GRK3: variants seen among roughly 807,000 people sequenced by gnomAD.
GRK3 encodes the protein G protein-coupled receptor kinase 3.
A neutral mutation model predicts 95.7 loss-of-function variants in GRK3; 54 were observed. The ratio of observed to expected loss-of-function variants is 0.56; its 90% confidence interval spans 0.45 to 0.71. GRK3 has a LOEUF of 0.71. GRK3 is among the 30% of genes least tolerant of loss of function. The probability of loss-of-function intolerance (pLI) is 0.00; values close to 1 mark genes in which losing one functional copy is unlikely to be tolerated. For synonymous variants in GRK3, 281 were observed against 290.8 expected, an observed-to-expected ratio of 0.97 and a Z score of 0.34; for missense variants, 649 against 851.2, an observed-to-expected ratio of 0.76 and a Z score of 2.96.
intron 1 of GRK3, among the ~76,000 whole-genome samples, chr22:25,565,421 A>G (rs1431307234): frequency 6.6e-6 from 1 of 152,166 alleles, no homozygotes; most frequent in East Asian, 1.9e-4. Context: ...GGGTCTGGTT[A>G]TGACTTGGCT....
intron 1 of GRK3, among the ~76,000 whole-genome samples, chr22:25,566,957 T>A (rs1338015281): frequency 6.6e-6 from 1 of 151,762 alleles, no homozygotes; most frequent in East Asian, 1.9e-4. Context: ...TCTGTTCAGT[T>A]TTTTTTTTCT....
chr22:25,604,071 C>G (rs139744928), intron 1 of GRK3, among the ~76,000 whole-genome samples: 1 of 151,962 alleles, frequency 6.6e-6, no homozygotes, highest in Admixed American at 6.6e-5. Context: ...TGTGTTTGTG[C>G]GTGCAGACAC....
chr22:25,720,467 CTTTTTTTTTTT>C (rs963248407), intron 19 of GRK3, among the ~76,000 whole-genome samples: 9 of 102,574 alleles, frequency 8.8e-5, no homozygotes, highest in South Asian at 3.1e-4. Flanking sequence ...ATACTATAGA[CTTTTTTTTTTT>C]TTTTTTTTTT....
intron 1 of GRK3, among the ~76,000 whole-genome samples, chr22:25,585,426 T>C (rs2331128): frequency 4.6e-5 from 7 of 152,088 alleles, no homozygotes; most frequent in East Asian, 1.9e-4. Context: ...ATTAAAACTA[T>C]TTATTATCAA....
intron 3 of GRK3, among the ~76,000 whole-genome samples, 178 bp downstream of exon 3, chr22:25,644,843 C>T (rs995493078): frequency 6.6e-6 from 1 of 152,026 alleles, no homozygotes; most frequent in Non-Finnish European, 1.5e-5. Context: ...GCTGAGTATG[C>T]CATAAAAGTC....
chr22:25,708,612 T>G (rs1366218803), intron 15 of GRK3, among the ~76,000 whole-genome samples: 4 of 151,624 alleles, frequency 2.6e-5, no homozygotes, highest in African/African-American at 9.7e-5. Flanking sequence ...CAGTGGCATG[T>G]GCTGGGAGTG....
At chr22:25,713,554 C>T (rs1316067071) in intron 17 of GRK3, among the ~76,000 whole-genome samples, 2 of 152,120 alleles carry the variant, frequency 1.3e-5, no homozygotes, top group African/African-American at 4.8e-5. Context: ...GTTATGATAC[C>T]TACCCCTGCT....
intron 2 of GRK3, among the ~76,000 whole-genome samples, chr22:25,620,756 T>G (rs1028780082): frequency 6.6e-6 from 1 of 152,152 alleles, no homozygotes; most frequent in African/African-American, 2.4e-5. Context: ...AAGAATGGCG[T>G]GTCCTTGTGT....
rs1931376356 is a variant in GRK3, at chr22:25,564,808, G to C, written c.-233G>C. The C allele has an allele frequency of 6.7e-6, 1 of 148,482 alleles. No homozygotes were observed. Among genetic ancestry groups the C allele is most frequent in the African/African-American group, 2.4e-5 (1 of 40,858 alleles). 9.2% of individuals were successfully genotyped at this position (148,482 alleles called of 1,614,324 possible). A position where few individuals can be genotyped will look rare whatever the true frequency, so the allele number is the denominator to read the frequency against. ...GGCGCGCGTGCGCGGGGCGCCGGGC[G>C]GCGCGCGAGGGGGCGGAGCGGGGAG... On this transcript the variant is annotated 5_prime_UTR_variant, in exon 1 of 21. Coordinates refer to ENST00000324198, the MANE Select transcript of GRK3 (RefSeq NM_005160.4).
chr22:25,705,170 A>T (rs920884219), intron 15 of GRK3, among the ~76,000 whole-genome samples: 1 of 152,184 alleles, frequency 6.6e-6, no homozygotes, highest in Admixed American at 6.5e-5. Context: ...GCTATAATAG[A>T]TGAAGATTTA....
At chr22:25,647,654 C>G in intron 3 of GRK3, 1 of 1,418,720 alleles carries the variant, frequency 7.0e-7, no homozygotes, top group Non-Finnish European at 1.0e-6. Flanking sequence ...TGGTGGGAAG[C>G]AAGATCAATC....
At chr22:25,624,668 G>A (rs1156517080) in intron 2 of GRK3, among the ~76,000 whole-genome samples, 2 of 152,178 alleles carry the variant, frequency 1.3e-5, no homozygotes, top group Non-Finnish European at 2.9e-5. Context: ...GGCGCTTACT[G>A]TGGAAAGTAT....
intron 18 of GRK3, 53 bp from the exon 19 acceptor site, chr22:25,718,192 A>T: frequency 6.4e-7 from 1 of 1,573,752 alleles, no homozygotes; most frequent in Non-Finnish European, 8.7e-7. Context: ...TAATGCTGCT[A>T]AGACATTTTG....
chr22:25,691,609 A>T (rs988847857), intron 12 of GRK3, among the ~76,000 whole-genome samples: 7 of 152,246 alleles, frequency 4.6e-5, no homozygotes, highest in Non-Finnish European at 1.0e-4. Context: ...CAGGGAGTTC[A>T]TCAGATTCTT....
chr22:25,635,767 TGTAA>T (rs2084696292), intron 2 of GRK3, among the ~76,000 whole-genome samples: 2 of 152,314 alleles, frequency 1.3e-5, no homozygotes, highest in East Asian at 1.9e-4. Context: ...GTTTTCCCTT[TGTAA>T]GTAAGTAACT....
chr22:25,687,975 G>T (rs185278633), intron 11 of GRK3, among the ~76,000 whole-genome samples: 1 of 152,172 alleles, frequency 6.6e-6, no homozygotes, highest in Non-Finnish European at 1.5e-5. Context: ...GGTGGCTCAT[G>T]CCTGTAATCC....
intron 1 of GRK3, among the ~76,000 whole-genome samples, chr22:25,595,673 A>G (rs764017812): frequency 2.6e-5 from 4 of 152,208 alleles, no homozygotes; most frequent in Admixed American, 1.3e-4. Context: ...ATTGCCAGGC[A>G]TGGTGGCTTG....
At chr22:25,721,212 G>A in intron 19 of GRK3, 72 bp from the exon 20 acceptor site, 1 of 732,960 alleles carries the variant, frequency 1.4e-6, no homozygotes. Context: ...GTTCTAACTT[G>A]GTAGTTTTTG....
intron 13 of GRK3, among the ~76,000 whole-genome samples, chr22:25,697,227 A>G (rs141058431): frequency 1.4e-3 from 219 of 152,350 alleles, no homozygotes; most frequent in African/African-American, 5.0e-3. Flanking sequence ...ATGGCCATGC[A>G]TATAGGCTGG....
Sources: gnomAD v4.1 joint callset for allele counts (sites outside exome capture counted in the v4.1 genomes callset) on GRCh38, gnomAD v4.1.1 for gene constraint, MANE v1.5 for transcripts, NCBI Gene and HGNC (gene_info 2026-07-23, HGNC 2026-07-21) for gene names.